CACNA2D3: variants seen among roughly 807,000 people sequenced by gnomAD.
CACNA2D3 encodes the protein calcium voltage-gated channel auxiliary subunit alpha2delta 3.
A neutral mutation model predicts 160.6 loss-of-function variants in CACNA2D3; 60 were observed. The ratio of observed to expected loss-of-function variants is 0.37; its 90% CI spans 0.30 to 0.46. CACNA2D3 has a LOEUF of 0.46. Ranked by LOEUF, CACNA2D3 falls within the 20% of genes least tolerant of loss-of-function variation. CACNA2D3 has a pLI of 1.00. For missense variants in CACNA2D3, 1,205 were observed against 1,365.0 expected, an observed-to-expected ratio of 0.88 and a Z score of 1.85; for synonymous variants, 558 against 492.9, an observed-to-expected ratio of 1.13 and a Z score of -1.75.
At chr3:54,155,797 T>C (rs1201046488) in intron 2 of CACNA2D3, among the ~76,000 whole-genome samples, 1 of 152,176 alleles carries the variant, frequency 6.6e-6, no homozygotes, top group Non-Finnish European at 1.5e-5. Flanking sequence ...CGTGGGGCCA[T>C]TGAGGAAGGT....
At chr3:54,204,552 T>C (rs1701236652) in intron 2 of CACNA2D3, among the ~76,000 whole-genome samples, 1 of 151,662 alleles carries the variant, frequency 6.6e-6, no homozygotes, top group African/African-American at 2.4e-5. Context: ...ATCCCAGCAC[T>C]TTGGGAGGCC....
At chr3:54,710,665 A>T (rs1395894299) in intron 11 of CACNA2D3, among the ~76,000 whole-genome samples, 1 of 152,208 alleles carries the variant, frequency 6.6e-6, no homozygotes, top group African/African-American at 2.4e-5. Flanking sequence ...ATTGGTGAAC[A>T]GCTTGATTTT....
chr3:54,602,292 G>C (rs1703074760), intron 9 of CACNA2D3, among the ~76,000 whole-genome samples: 1 of 152,110 alleles, frequency 6.6e-6, no homozygotes, highest in South Asian at 2.1e-4. Flanking sequence ...GAAGTCAGGA[G>C]TTAGAGACCA....
intron 13 of CACNA2D3, among the ~76,000 whole-genome samples, chr3:54,803,720 C>T (rs1189612764): frequency 6.6e-6 from 1 of 152,116 alleles, no homozygotes; most frequent in Non-Finnish European, 1.5e-5. Flanking sequence ...CAAAGATACT[C>T]CTTGAGAAGA....
At chr3:54,221,581 G>T (rs1378440812) in intron 2 of CACNA2D3, among the ~76,000 whole-genome samples, 1 of 152,066 alleles carries the variant, frequency 6.6e-6, no homozygotes, top group Non-Finnish European at 1.5e-5. Context: ...TATAGATTAG[G>T]TCATTGTTTT....
At position 54,791,381 on chromosome 3, in the gene CACNA2D3, A is replaced by G. The variant is rs1702755320; in HGVS notation, c.1381-25472A>G. Among the ~76,000 whole-genome samples, 3 of 152,252 alleles carry G rather than the reference A, an allele frequency of 2.0e-5. No homozygotes were observed. In the South Asian group the frequency reaches 6.2e-4, roughly 31 times the overall value. On this transcript the variant is annotated intron_variant, in intron 13 of 37. Coordinates refer to ENST00000474759, the MANE Select transcript of CACNA2D3 (RefSeq NM_018398.3). ...ATTCAGAGCAGATGCAAAGACAGAA[A>G]TATGGAGGGAAAATAACAAGGAAGA...
At chr3:54,784,296 C>T (rs1170130038) in intron 13 of CACNA2D3, among the ~76,000 whole-genome samples, 8 of 152,184 alleles carry the variant, frequency 5.3e-5, no homozygotes, top group South Asian at 2.1e-4. Context: ...ATCTGCGGCT[C>T]GTGCTGGAGG....
At chr3:54,715,204 G>T (rs1701030942) in intron 11 of CACNA2D3, among the ~76,000 whole-genome samples, 1 of 152,164 alleles carries the variant, frequency 6.6e-6, no homozygotes, top group Non-Finnish European at 1.5e-5. Context: ...ACTTTCTAGA[G>T]TGGGTCACAG....
At chr3:54,207,338 T>A (rs1277128565) in intron 2 of CACNA2D3, among the ~76,000 whole-genome samples, 1 of 150,650 alleles carries the variant, frequency 6.6e-6, no homozygotes, top group Non-Finnish European at 1.5e-5. Flanking sequence ...CTTGCCAAGG[T>A]CACACAGCTA....
At chr3:54,882,463 T>A (rs1206166852) in intron 21 of CACNA2D3, among the ~76,000 whole-genome samples, 2 of 152,208 alleles carry the variant, frequency 1.3e-5, no homozygotes, top group African/African-American at 4.8e-5. Context: ...TGGATTCTTT[T>A]TCAGTCACTA....
chr3:54,573,063 C>T (rs1368328006), intron 8 of CACNA2D3, among the ~76,000 whole-genome samples: 2 of 151,950 alleles, frequency 1.3e-5, no homozygotes, highest in Non-Finnish European at 2.9e-5. Context: ...ATTTTTTTAC[C>T]CCAAATTGTC....
chr3:54,243,254 T>A (rs996941282), intron 2 of CACNA2D3, among the ~76,000 whole-genome samples: 1 of 152,186 alleles, frequency 6.6e-6, no homozygotes, highest in African/African-American at 2.4e-5. Context: ...AGACCCGCGA[T>A]TGCGTGGGCT....
chr3:54,755,788 GA>G (rs922490173), intron 12 of CACNA2D3, among the ~76,000 whole-genome samples: 1 of 151,490 alleles, frequency 6.6e-6, no homozygotes, highest in Non-Finnish European at 1.5e-5. Context: ...CTGTGGTCTT[GA>G]AAAAAAGAGT....
chr3:54,146,598 G>T (rs567841196), intron 2 of CACNA2D3, among the ~76,000 whole-genome samples: 2 of 152,220 alleles, frequency 1.3e-5, no homozygotes, highest in South Asian at 4.1e-4. Context: ...TGGGGAAGGG[G>T]GGCGTGGCCT....
chr3:55,055,559 G>C (rs1478880010), intron 35 of CACNA2D3, among the ~76,000 whole-genome samples: 2 of 152,078 alleles, frequency 1.3e-5, no homozygotes, highest in South Asian at 4.2e-4. Context: ...ATGAATTTTG[G>C]AATTTTTTTT....
chr3:54,443,419 T>TA (rs1334986753), intron 4 of CACNA2D3, among the ~76,000 whole-genome samples: 2 of 152,228 alleles, frequency 1.3e-5, no homozygotes, highest in East Asian at 1.9e-4. Flanking sequence ...TTGCAAAACT[T>TA]ATGATTGGCA....
At chr3:54,277,902 A>C (rs1702783485) in intron 2 of CACNA2D3, among the ~76,000 whole-genome samples, 1 of 152,158 alleles carries the variant, frequency 6.6e-6, no homozygotes, top group African/African-American at 2.4e-5. Context: ...TGTGAATGGG[A>C]GTTCCCTCAT....
chr3:54,962,347 T>C (rs1319636176), intron 27 of CACNA2D3, among the ~76,000 whole-genome samples: 1 of 152,190 alleles, frequency 6.6e-6, no homozygotes, highest in Non-Finnish European at 1.5e-5. Flanking sequence ...CTAAGGAACA[T>C]TCCTAGGAGT....
chr3:54,857,251 A>G (rs1467723274), intron 17 of CACNA2D3, among the ~76,000 whole-genome samples: 2 of 152,218 alleles, frequency 1.3e-5, no homozygotes, highest in East Asian at 3.8e-4. Context: ...TAGGTGACCC[A>G]GGTTTTGTTG....
Sources: gnomAD v4.1 joint callset for allele counts (sites outside exome capture counted in the v4.1 genomes callset) on GRCh38, gnomAD v4.1.1 for gene constraint, MANE v1.5 for transcripts, NCBI Gene and HGNC (gene_info 2026-07-23, HGNC 2026-07-21) for gene names.